Variants in CD2AP observed in about 807,000 individuals in gnomAD.
The protein encoded by CD2AP is CD2 associated protein, also known as CD2-associated protein.
A neutral mutation model predicts 85.1 loss-of-function variants in CD2AP; 46 were observed. The observed-to-expected ratio is 0.54, with a 90% CI of 0.43 to 0.69. CD2AP has a LOEUF of 0.69. CD2AP is among the 30% of genes least tolerant of loss of function. CD2AP has a pLI of 0.00. For synonymous variants in CD2AP, 255 were observed against 252.9 expected (o/e 1.01, Z -0.08); for missense variants, 769 against 729.5 (o/e 1.05, Z -0.62).
At chr6:47,537,496 A>G (rs1036252467) in intron 3 of CD2AP, among the ~76,000 whole-genome samples, 1 of 152,188 alleles carries the variant, frequency 6.6e-6, no homozygotes, top group African/African-American at 2.4e-5. Context: ...AGTTGAAGGA[A>G]TAATTGTGCA....
At chr6:47,594,632 T>G (rs1388439435) in intron 11 of CD2AP, among the ~76,000 whole-genome samples, 1 of 152,002 alleles carries the variant, frequency 6.6e-6, no homozygotes, top group Non-Finnish European at 1.5e-5. Flanking sequence ...CGTTATTGAT[T>G]TCAATTGGAG....
At chr6:47,554,595 A>G (rs775812493) in intron 4 of CD2AP, 51 bp from the exon 5 acceptor site, 33 of 1,609,412 alleles carry the variant, frequency 2.1e-5, no homozygotes, top group Non-Finnish European at 2.6e-5. Context: ...TAGGGTGACG[A>G]TTTTCACTTA....
intron 5 of CD2AP, among the ~76,000 whole-genome samples, chr6:47,556,306 G>A (rs1349729501): frequency 2.0e-5 from 3 of 149,006 alleles, no homozygotes; most frequent in Admixed American, 6.7e-5. Context: ...TTATGAATGA[G>A]AACATGTAGT....
intron 2 of CD2AP, among the ~76,000 whole-genome samples, chr6:47,511,251 C>A (rs1475646326): frequency 1.3e-5 from 2 of 151,980 alleles, no homozygotes; most frequent in Non-Finnish European, 2.9e-5. Flanking sequence ...GTATTCTTCC[C>A]CAAAGTCCAT....
chr6:47,485,947 TCA>T (rs1221921219), intron 1 of CD2AP, among the ~76,000 whole-genome samples: 1 of 152,170 alleles, frequency 6.6e-6, no homozygotes, highest in Non-Finnish European at 1.5e-5. Context: ...TCTATGATGT[TCA>T]CACATGGACC....
rs1010631453 is a variant in CD2AP at position 47,609,205 on chromosome 6, A to G, written c.1715A>G (p.Lys572Arg). ...AFLTPLEIKA[K>R]VETDDVKKNS... Reference sequence around the variant, plus strand: ...CTGACTCCATTAGAAATCAAAGCTAAAGTGGAAACAGATGATGTGAAAAAA... The same window carrying G: ...CTGACTCCATTAGAAATCAAAGCTAGAGTGGAAACAGATGATGTGAAAAAA... Residue 572 changes from lysine to arginine, a missense_variant, in exon 16 of 18, where the codon AAA becomes AGA. By Grantham distance (26) the Lys-to-Arg change is conservative. Coordinates refer to ENST00000359314, the MANE Select transcript of CD2AP (RefSeq NM_012120.3). The G allele has an allele frequency of 1.9e-6, 3 of 1,613,416 alleles. No individual in the cohort carries two copies.
chr6:47,591,855 TCTCA>T (rs1768804379), intron 11 of CD2AP, among the ~76,000 whole-genome samples: 1 of 152,164 alleles, frequency 6.6e-6, no homozygotes, highest in Non-Finnish European at 1.5e-5. Flanking sequence ...GGAGACAGGG[TCTCA>T]CTCTGTTGCC....
intron 11 of CD2AP, among the ~76,000 whole-genome samples, chr6:47,595,229 A>G (rs943367681): frequency 6.6e-6 from 1 of 151,934 alleles, no homozygotes; most frequent in Non-Finnish European, 1.5e-5. Context: ...GTTTTTTTCC[A>G]GCTTATTTTC....
intron 5 of CD2AP, among the ~76,000 whole-genome samples, chr6:47,558,971 G>T (rs1242842311): frequency 6.6e-6 from 1 of 152,022 alleles, no homozygotes; most frequent in Non-Finnish European, 1.5e-5. Flanking sequence ...TTTTTGGTTG[G>T]TAGGCTATTA....
At chr6:47,616,639 A>C (rs1381898412) in intron 17 of CD2AP, among the ~76,000 whole-genome samples, 1 of 152,254 alleles carries the variant, frequency 6.6e-6, no homozygotes, top group Non-Finnish European at 1.5e-5. Flanking sequence ...ATCAAAGAAT[A>C]GCCCCCATTT....
At chr6:47,566,323 T>TATCTATATATATATATATACACAC in intron 5 of CD2AP, among the ~76,000 whole-genome samples, 1 of 108,388 alleles carries the variant, frequency 9.2e-6, no homozygotes, top group Non-Finnish European at 2.1e-5. Flanking sequence ...TATATATATA[T>TATCTATATATATATATATACACAC]ACACATACAC....
intron 5 of CD2AP, among the ~76,000 whole-genome samples, chr6:47,558,570 T>C (rs1057220120): frequency 1.3e-5 from 2 of 152,248 alleles, no homozygotes; most frequent in Non-Finnish European, 2.9e-5. Flanking sequence ...TCTGCATCTA[T>C]TGAGATAATT....
chr6:47,514,277 C>T (rs9381568), intron 2 of CD2AP, among the ~76,000 whole-genome samples: 146,326 of 152,260 alleles, frequency 0.96, 70,555 homozygotes, highest in East Asian at 1. Context: ...CTTCATTGAT[C>T]TTTTTTAAGT....
chr6:47,503,316 A>C lies in CD2AP; in HGVS notation c.41A>C (p.His14Pro). 2 of 1,613,826 alleles carry C rather than the reference A, an allele frequency of 1.2e-6. No homozygotes were observed. The highest frequency in any genetic ancestry group is 8.5e-7 in the Non-Finnish European group (1 of 1,179,836). ...GTGGAGTATGACTATGATGCTGTAC[A>C]TGATGATGAATTAACTATTCGAGTT... ...YIVEYDYDAV[H>P]DDELTIRVGE... Residue 14 changes from histidine to proline, a missense_variant, in exon 2 of 18, where the codon CAT becomes CCT. Transcript: ENST00000359314.
At chr6:47,593,284 A>T (rs1768851810) in intron 11 of CD2AP, among the ~76,000 whole-genome samples, 1 of 152,164 alleles carries the variant, frequency 6.6e-6, no homozygotes, top group African/African-American at 2.4e-5. Flanking sequence ...GCATTAAAGG[A>T]CATTAAGAAA....
chr6:47,537,379 C>T (rs1403523992), intron 3 of CD2AP, among the ~76,000 whole-genome samples: 3 of 152,108 alleles, frequency 2.0e-5, no homozygotes, highest in African/African-American at 7.2e-5. Flanking sequence ...GAAAAAGACT[C>T]ACTCAAATGA....
At chr6:47,503,530 GT>G in intron 2 of CD2AP, 90 bp downstream of exon 2, 1 of 1,164,062 alleles carries the variant, frequency 8.6e-7, no homozygotes, top group Non-Finnish European at 1.3e-6. Context: ...AAATTAAAAT[GT>G]TTTAGATAAA....
intron 10 of CD2AP, 68 bp downstream of exon 10, chr6:47,580,968 G>A: frequency 4.7e-6 from 5 of 1,060,280 alleles, no homozygotes; most frequent in Middle Eastern, 2.0e-4. Flanking sequence ...GGTAAAATTG[G>A]ATCTAATGCA....
At chr6:47,566,678 T>C (rs1768012190) in intron 5 of CD2AP, among the ~76,000 whole-genome samples, 2 of 152,182 alleles carry the variant, frequency 1.3e-5, no homozygotes, top group Non-Finnish European at 2.9e-5. Flanking sequence ...TGTATTCTCA[T>C]TGTTCAACTC....
Sources: gnomAD v4.1 joint callset for allele counts (sites outside exome capture counted in the v4.1 genomes callset) on GRCh38, gnomAD v4.1.1 for gene constraint, MANE v1.5 for transcripts, NCBI Gene and HGNC (gene_info 2026-07-23, HGNC 2026-07-21) for gene names.